CCDC92: variants seen among roughly 807,000 people sequenced by gnomAD.
CCDC92 encodes coiled-coil domain containing 92, also known as coiled-coil domain-containing protein 92.
CCDC92 carries 12 observed loss-of-function variants against 24.9 expected under a neutral mutation model. That is an observed-to-expected ratio of 0.48 (90% CI 0.31 to 0.78). CCDC92 has a LOEUF of 0.78. CCDC92 is among the 30% of genes least tolerant of loss of function. The pLI, the probability that CCDC92 is intolerant of heterozygous loss-of-function variation, is 0.05. For missense variants in CCDC92, 399 were observed against 439.4 expected (o/e 0.91, Z 0.82); for synonymous variants, 193 against 196.3 (o/e 0.98, Z 0.14).
chr12:123,962,806 C>G (rs1023451215), intron 1 of CCDC92: 4 of 152,056 alleles, frequency 2.6e-5, no homozygotes, highest in African/African-American at 9.7e-5. Flanking sequence ...TTTTTTCCCT[C>G]AGAGAATCTA....
At chr12:123,938,892 C>G (rs1020262819) in intron 4 of CCDC92, among the ~76,000 whole-genome samples, 1 of 152,172 alleles carries the variant, frequency 6.6e-6, no homozygotes, top group African/African-American at 2.4e-5. Context: ...AGTGCTGCCC[C>G]CTCCCTGCTC....
intron 1 of CCDC92, 58 bp downstream of exon 1, chr12:123,972,471 C>A (rs894394724): frequency 6.6e-6 from 1 of 151,888 alleles, no homozygotes. Flanking sequence ...CCCTCCGCCC[C>A]CGCCGGCGCT....
At chr12:123,961,755 C>G (rs1198823780) in intron 1 of CCDC92, among the ~76,000 whole-genome samples, 1 of 152,116 alleles carries the variant, frequency 6.6e-6, no homozygotes, top group African/African-American at 2.4e-5. Context: ...GGGCTCAGTG[C>G]CAGGCGCCAT....
intron 1 of CCDC92, among the ~76,000 whole-genome samples, chr12:123,957,994 C>T (rs934164358): frequency 1.1e-4 from 17 of 151,980 alleles, no homozygotes; most frequent in African/African-American, 3.1e-4. Context: ...CCACCACTCT[C>T]GGCCTATTAC....
Position 123,937,253 on chromosome 12 carries a change from G to T in CCDC92, c.801C>A (p.Pro267=), listed in dbSNP as rs147939560. The T allele has an allele frequency of 1.2e-5, 19 of 1,609,944 alleles. No individual in the cohort carries two copies. Among genetic ancestry groups the T allele is most frequent in the Non-Finnish European group, 1.5e-5 (18 of 1,179,422 alleles). Residue 267 remains proline (P), a synonymous_variant, in exon 5 of 5, where the codon CCC becomes CCA. Transcript: ENST00000238156. The surrounding 1 kb of genome is among the most constrained non-coding windows in gnomAD (Gnocchi z 8.4). ...LIKERPLVIP[P]IASDRSGEQH... ...GCTCGCCGCTTCGGTCGGAGGCGATGGGGGGGATGACGAGGGGCCTCTCTT... is the reference window on the plus strand; with the variant it reads ...GCTCGCCGCTTCGGTCGGAGGCGATTGGGGGGATGACGAGGGGCCTCTCTT...
chr12:123,965,861 G>T (rs928413494), intron 1 of CCDC92, among the ~76,000 whole-genome samples: 2 of 152,130 alleles, frequency 1.3e-5, no homozygotes, highest in Non-Finnish European at 2.9e-5. Context: ...TGTGTGAGTT[G>T]TTTGACCCGT....
chr12:123,964,054 G>C (rs1173814860), intron 1 of CCDC92, among the ~76,000 whole-genome samples: 2 of 152,178 alleles, frequency 1.3e-5, no homozygotes, highest in East Asian at 3.8e-4. Context: ...CTGTTTACAA[G>C]AGCCATAATT....
rs1384034227 is a variant in CCDC92 at position 123,966,810 on chromosome 12, A to ACATT, written c.-60+5715_-60+5718dup. ...TCTAACCACAGCCTGCTAATGAGTAACATTCAGTGCAGTGTTCTAGAATTA... is the reference window on the plus strand; with the variant it reads ...TCTAACCACAGCCTGCTAATGAGTAACATTCATTCAGTGCAGTGTTCTAGAATTA... On this transcript the variant is annotated intron_variant, in intron 1 of 4. Transcript: ENST00000238156. Among the ~76,000 whole-genome samples, 4 of 152,326 alleles carry ACATT rather than the reference A, an allele frequency of 2.6e-5. No homozygotes were observed. In the South Asian group the frequency reaches 8.3e-4, roughly 32 times the overall value.
intron 1 of CCDC92, among the ~76,000 whole-genome samples, chr12:123,953,807 T>A (rs1956085889): frequency 9.9e-6 from 1 of 101,244 alleles, no homozygotes; most frequent in African/African-American, 3.6e-5. Flanking sequence ...AAAACAAAAA[T>A]TAGCCAGGTG....
chr12:123,959,731 A>G (rs1956231062), intron 1 of CCDC92, among the ~76,000 whole-genome samples: 1 of 152,236 alleles, frequency 6.6e-6, no homozygotes, highest in African/African-American at 2.4e-5. Context: ...TGTTGCGGCC[A>G]CATGTAGCTA....
intron 1 of CCDC92, among the ~76,000 whole-genome samples, chr12:123,957,853 T>C (rs1956187437): frequency 6.6e-6 from 1 of 151,386 alleles, no homozygotes; most frequent in Non-Finnish European, 1.5e-5. Context: ...ATTACAGGCA[T>C]GCACCACCAC....
At chr12:123,952,617 T>C (rs1244193363) in intron 1 of CCDC92, among the ~76,000 whole-genome samples, 1 of 152,266 alleles carries the variant, frequency 6.6e-6, no homozygotes, top group Non-Finnish European at 1.5e-5. Flanking sequence ...AGGACCCTAT[T>C]ATTCCTACTT....
At chr12:123,965,677 T>A (rs2138190179) in intron 1 of CCDC92, among the ~76,000 whole-genome samples, 1 of 152,346 alleles carries the variant, frequency 6.6e-6, no homozygotes, top group South Asian at 2.1e-4. Flanking sequence ...AGGCCCCACA[T>A]CGTAGAAGGG....
chr12:123,937,063 C>G lies in CCDC92; in HGVS notation c.991G>C (p.Val331Leu). The G allele has an allele frequency of 6.2e-7, 1 of 1,613,922 alleles. No homozygotes were observed. Among genetic ancestry groups the G allele is most frequent in the Non-Finnish European group, 8.5e-7 (1 of 1,179,992 alleles). ...VRKHSGTDRT[V>L] Reference sequence around the variant, plus strand: ...GGGGTGGGGCACGGCGGGCTTCACACAGTTCTGTCCGTCCCTGAGTGCTTC... The same window carrying G: ...GGGGTGGGGCACGGCGGGCTTCACAGAGTTCTGTCCGTCCCTGAGTGCTTC... Residue 331 changes from valine to leucine, a missense_variant, in exon 5 of 5, where the codon GTG (valine) becomes CTG (leucine). Transcript: ENST00000238156. The surrounding 1 kb of genome is among the most constrained non-coding windows in gnomAD (Gnocchi z 8.4).
chr12:123,970,770 G>A (rs1956507957), intron 1 of CCDC92, among the ~76,000 whole-genome samples: 1 of 152,158 alleles, frequency 6.6e-6, no homozygotes, highest in African/African-American at 2.4e-5. Context: ...GTTCCAGATA[G>A]AAGGAAAAAA....
At chr12:123,948,850 C>A (rs994497067) in intron 1 of CCDC92, among the ~76,000 whole-genome samples, 1 of 152,176 alleles carries the variant, frequency 6.6e-6, no homozygotes. Flanking sequence ...AGAGTTTTCA[C>A]GGCTGAAAAG....
chr12:123,970,987 GA>G (rs989225487), intron 1 of CCDC92, among the ~76,000 whole-genome samples: 101 of 145,502 alleles, frequency 6.9e-4, no homozygotes, highest in Middle Eastern at 3.4e-3. Context: ...CATGGCAGAT[GA>G]AAGAGTTATA....
chr12:123,968,364 TC>T (rs1956442316), intron 1 of CCDC92: 1 of 152,250 alleles, frequency 6.6e-6, no homozygotes, highest in East Asian at 1.9e-4. Context: ...GTTTGTGTGA[TC>T]CCTTCAGAAG....
chr12:123,943,579 T>A, intron 2 of CCDC92, 86 bp from the exon 3 acceptor site: 1 of 1,466,660 alleles, frequency 6.8e-7, no homozygotes, highest in Non-Finnish European at 9.4e-7. Context: ...CAGAGGGGTG[T>A]GCGCCTCCCA....
Sources: gnomAD v4.1 joint callset for allele counts (sites outside exome capture counted in the v4.1 genomes callset) on GRCh38, gnomAD v4.1.1 for gene constraint, Gnocchi (gnomAD v3.1) non-coding constraint, MANE v1.5 for transcripts, NCBI Gene and HGNC (gene_info 2026-07-23, HGNC 2026-07-21) for gene names.